The following ZNF532 variants were observed in gnomAD, a reference collection of about 807,000 sequenced individuals.
The protein encoded by ZNF532 is zinc finger protein 532.
In ZNF532, 22 loss-of-function variants were observed where a neutral mutation model predicts 89.3. That is an observed-to-expected ratio of 0.25 (90% confidence interval 0.18 to 0.35). The LOEUF is 0.35. Among genes scored for constraint, ZNF532 ranks in the 10% least tolerant of loss-of-function variants. ZNF532 has a pLI of 1.00. For missense variants in ZNF532, 1,132 were observed against 1,643.4 expected, an observed-to-expected ratio of 0.69 and a Z score of 5.38; for synonymous variants, 606 against 649.6, an observed-to-expected ratio of 0.93 and a Z score of 1.02.
chr18:58,866,683 A>G (rs2056492029), intron 2 of ZNF532, among the ~76,000 whole-genome samples: 1 of 152,160 alleles, frequency 6.6e-6, no homozygotes, highest in South Asian at 2.1e-4. Context: ...GAATTGGTTA[A>G]GTTGTGTGCT....
At chr18:58,981,343 G>A in intron 8 of ZNF532, 127 bp from the exon 9 acceptor site, 1 of 1,238,264 alleles carries the variant, frequency 8.1e-7, no homozygotes, top group Non-Finnish European at 1.1e-6. Flanking sequence ...TTGAACCATG[G>A]TGTGAACTCA....
intron 8 of ZNF532, chr18:58,980,130 T>C (rs1185067874): frequency 6.6e-6 from 1 of 152,224 alleles, no homozygotes; most frequent in East Asian, 1.9e-4. Context: ...ATCAGGAGAC[T>C]TATGAAGGTT....
intron 6 of ZNF532, among the ~76,000 whole-genome samples, chr18:58,951,000 C>T (rs530607043): frequency 4.4e-4 from 67 of 151,864 alleles, no homozygotes; most frequent in Non-Finnish European, 6.8e-4. Context: ...TCTGTTGCCC[C>T]GGTTGGAGTA....
rs140575109 is a variant in ZNF532, at chr18:58,971,060, T to C, written c.3151-7995T>C. Among the ~76,000 whole-genome samples, 7 of 152,364 alleles carry C rather than the reference T, an allele frequency of 4.6e-5. No homozygotes were observed. In the East Asian group the frequency reaches 1.3e-3, roughly 29 times the overall value. On this transcript the variant is annotated intron_variant, in intron 7 of 9. Transcript: ENST00000591808. ...TGTTCTTGTGCATTTGTTACTGTTCTGCGTCATTACTTTTTCAGTTGTACA... is the reference window on the plus strand; with the variant it reads ...TGTTCTTGTGCATTTGTTACTGTTCCGCGTCATTACTTTTTCAGTTGTACA...
chr18:58,899,953 A>G (rs1244499055), intron 2 of ZNF532, among the ~76,000 whole-genome samples: 1 of 152,188 alleles, frequency 6.6e-6, no homozygotes, highest in Non-Finnish European at 1.5e-5. Flanking sequence ...AATTTCCAAA[A>G]GTTCCTTCAT....
chr18:58,884,971 G>T (rs561098633), intron 2 of ZNF532, among the ~76,000 whole-genome samples: 2 of 147,732 alleles, frequency 1.4e-5, no homozygotes, highest in East Asian at 2.0e-4. Context: ...TAAGCTACCA[G>T]TACAAGGGTT....
At chr18:58,912,903 T>G (rs8084470) in intron 2 of ZNF532, among the ~76,000 whole-genome samples, 1 of 151,968 alleles carries the variant, frequency 6.6e-6, no homozygotes, top group Non-Finnish European at 1.5e-5. Flanking sequence ...TGGCAGCTGC[T>G]CCAGAGGCGC....
In ZNF532 at chr18:58,922,266, C is replaced by T. The variant is rs113519578; in HGVS notation, c.2346+1633C>T. On this transcript the variant is annotated intron_variant, in intron 3 of 9. Coordinates refer to ENST00000591808, the MANE Select transcript of ZNF532 (RefSeq NM_001375912.1). ...TGTTAATTAATTAGGATGTTTATGC[C>T]GCAATTCAGAAGTTTGGTGCTATCT... Among the ~76,000 whole-genome samples the T allele has an allele frequency of 1.4e-4, 22 of 152,114 alleles. No individual in the cohort carries two copies. The South Asian group carries it at 2.5e-3, about 17-fold the overall frequency.
At position 58,984,678 on chromosome 18, in the gene ZNF532, A is replaced by G. The variant is rs558267640; in HGVS notation, c.*212A>G. On this transcript the variant is annotated 3_prime_UTR_variant, in exon 10 of 10. Coordinates refer to ENST00000591808, the MANE Select transcript of ZNF532 (RefSeq NM_001375912.1). ...AAAAGAGTTTGTATATATTTAAATG[A>G]ATAACTTTTTATACTCTTTGTTACA... The G allele has an allele frequency of 2.1e-6, 1 of 487,770 alleles. No homozygotes were observed. Among genetic ancestry groups the G allele is most frequent in the Admixed American group, 3.7e-5 (1 of 27,192 alleles). 30.2% of individuals were successfully genotyped at this position (487,770 alleles called of 1,614,324 possible).
At chr18:58,901,770 C>T (rs1416736346) in intron 2 of ZNF532, among the ~76,000 whole-genome samples, 1 of 152,142 alleles carries the variant, frequency 6.6e-6, no homozygotes, top group Non-Finnish European at 1.5e-5. Flanking sequence ...ATCCTGGCTG[C>T]TTCTGGAGAA....
intron 2 of ZNF532, among the ~76,000 whole-genome samples, chr18:58,877,612 G>T (rs561140172): frequency 4.6e-5 from 7 of 152,242 alleles, no homozygotes; most frequent in African/African-American, 1.7e-4. Context: ...AGAGTTCTGT[G>T]TTATATGAAT....
At chr18:58,892,812 A>G (rs904587454) in intron 2 of ZNF532, among the ~76,000 whole-genome samples, 2 of 152,124 alleles carry the variant, frequency 1.3e-5, no homozygotes, top group Non-Finnish European at 2.9e-5. Flanking sequence ...CTGCAGTAGA[A>G]CTCATACAAG....
Position 58,976,231 on chromosome 18 carries a change from T to G in ZNF532, c.3151-2824T>G, listed in dbSNP as rs192774888. Among the ~76,000 whole-genome samples, 318 of 152,350 alleles carry G rather than the reference T, an allele frequency of 2.1e-3. 4 individuals carry two copies. In the East Asian group the frequency reaches 0.032, roughly 15 times the overall value. The stretch of plus-strand genomic sequence containing the variant: ...GAATTGCAGAGTTCATTTCTGCATT[T>G]TTCATAAAGATGCTGAAACAGAAGG... On this transcript the variant is annotated intron_variant, in intron 7 of 9. Transcript: ENST00000591808.
intron 2 of ZNF532, among the ~76,000 whole-genome samples, chr18:58,886,025 G>A (rs2145123946): frequency 6.6e-6 from 1 of 152,096 alleles, no homozygotes; most frequent in African/African-American, 2.4e-5. Flanking sequence ...CATCGCAGCT[G>A]GTGTGTAGTG....
chr18:58,942,365 T>TCCTCCCTCCCTC (rs2063254391), intron 5 of ZNF532, among the ~76,000 whole-genome samples: 1 of 77,448 alleles, frequency 1.3e-5, no homozygotes, highest in African/African-American at 8.5e-5. Context: ...CTTCCTTCCT[T>TCCTCCCTCCCTC]CCTTCCTTCC....
intron 7 of ZNF532, among the ~76,000 whole-genome samples, chr18:58,978,437 T>C (rs2067303324): frequency 6.6e-6 from 1 of 152,208 alleles, no homozygotes; most frequent in Admixed American, 6.5e-5. Context: ...TTTACTGATG[T>C]ATGGTTTCAT....
intron 2 of ZNF532, among the ~76,000 whole-genome samples, chr18:58,876,315 C>T (rs578021435): frequency 6.6e-6 from 1 of 152,164 alleles, no homozygotes; most frequent in Non-Finnish European, 1.5e-5. Context: ...AAGTAGCCTC[C>T]TGGTGCCATT....
intron 2 of ZNF532, among the ~76,000 whole-genome samples, chr18:58,911,828 T>G (rs1380659879): frequency 6.6e-6 from 1 of 152,242 alleles, no homozygotes; most frequent in Admixed American, 6.5e-5. Flanking sequence ...GCTTCTCTCC[T>G]GGAAAAAGCA....
intron 5 of ZNF532, among the ~76,000 whole-genome samples, chr18:58,942,061 C>A (rs56052401): frequency 7.1e-6 from 1 of 140,660 alleles, no homozygotes; most frequent in South Asian, 2.5e-4. Context: ...CTCGCTGTGT[C>A]GCCCAGGCTG....
Sources: gnomAD v4.1 joint callset for allele counts (sites outside exome capture counted in the v4.1 genomes callset) on GRCh38, gnomAD v4.1.1 for gene constraint, MANE v1.5 for transcripts, NCBI Gene and HGNC (gene_info 2026-07-23, HGNC 2026-07-21) for gene names.